Variants in DENND1A observed in about 807,000 individuals in gnomAD.
The protein encoded by DENND1A is DENN domain-containing protein 1A.
A neutral mutation model predicts 113.7 loss-of-function variants in DENND1A; 51 were observed. That is an observed-to-expected ratio of 0.45 (90% CI 0.36 to 0.57). DENND1A has a LOEUF of 0.57. DENND1A is among the 20% of genes least tolerant of loss of function. The pLI is 0.00. For synonymous variants in DENND1A, 565 were observed against 570.8 expected (o/e 0.99, Z 0.14); for missense variants, 1,258 against 1,395.9 (o/e 0.90, Z 1.57).
At chr9:123,815,725 C>T (rs925180382) in intron 2 of DENND1A, among the ~76,000 whole-genome samples, 1 of 151,840 alleles carries the variant, frequency 6.6e-6, no homozygotes, top group Non-Finnish European at 1.5e-5. Flanking sequence ...AAGAAAATTC[C>T]CGAAGATACA....
At chr9:123,708,667 G>C (rs541272841) in intron 5 of DENND1A, among the ~76,000 whole-genome samples, 1 of 152,106 alleles carries the variant, frequency 6.6e-6, no homozygotes, top group Admixed American at 6.5e-5. Flanking sequence ...GTTATGTGGG[G>C]TTTTTTCTTC....
chr9:123,600,382 C>T (rs959028087), intron 11 of DENND1A, among the ~76,000 whole-genome samples: 7 of 152,142 alleles, frequency 4.6e-5, no homozygotes, highest in Admixed American at 3.9e-4. Flanking sequence ...AATGGGGCAA[C>T]TACCTATTTT....
At chr9:123,871,894 A>G (rs913199427) in intron 2 of DENND1A, among the ~76,000 whole-genome samples, 6 of 152,182 alleles carry the variant, frequency 3.9e-5, no homozygotes, top group Admixed American at 3.3e-4. Context: ...GCCCAAGAAG[A>G]GTGCCCGCTG....
At chr9:123,632,602 C>T (rs562066328) in intron 9 of DENND1A, among the ~76,000 whole-genome samples, 3 of 152,196 alleles carry the variant, frequency 2.0e-5, no homozygotes, top group South Asian at 2.1e-4. Flanking sequence ...CAGGTTCCGG[C>T]CCATCACTTC....
chr9:123,818,565 C>CATAT lies in DENND1A; in HGVS notation c.89-25936_89-25935insATAT, dbSNP rs1366921470. Among the ~76,000 whole-genome samples, 68 of 45,476 alleles carry CATAT rather than the reference C, an allele frequency of 1.5e-3. 1 individual carries two copies. Among genetic ancestry groups the CATAT allele is most frequent in the African/African-American group, 2.8e-3 (59 of 20,722 alleles). The allele number at this position is 45,476 out of a possible 152,430, so 29.8% of individuals were successfully genotyped here. A position where few individuals can be genotyped will look rare whatever the true frequency, so the allele number is the denominator to read the frequency against. On this transcript the variant is annotated intron_variant, in intron 2 of 23. Coordinates refer to ENST00000394215, the MANE Select transcript of DENND1A (RefSeq NM_001352964.2). ...ACACACACACACACACACACACACACACATATATATATATATATAAAATGA... is the reference window on the plus strand; with the variant it reads ...ACACACACACACACACACACACACACATATACATATATATATATATATAAAATGA...
At chr9:123,851,791 G>A (rs554358196) in intron 2 of DENND1A, among the ~76,000 whole-genome samples, 1 of 152,240 alleles carries the variant, frequency 6.6e-6, no homozygotes, top group East Asian at 1.9e-4. Flanking sequence ...GGACTGAAAG[G>A]AACAAAGAAA....
chr9:123,538,353 A>G (rs1031276047), intron 13 of DENND1A, among the ~76,000 whole-genome samples: 34 of 152,310 alleles, frequency 2.2e-4, no homozygotes, highest in African/African-American at 7.2e-4. Context: ...AGCTCTGTTC[A>G]ATGAAAAGGC....
intron 13 of DENND1A, among the ~76,000 whole-genome samples, chr9:123,480,628 C>T (rs557658586): frequency 6.6e-6 from 1 of 152,248 alleles, no homozygotes; most frequent in East Asian, 1.9e-4. Context: ...TGGGGTCTTC[C>T]TCTGGGGTCC....
At chr9:123,410,843 T>A (rs2044248890) in intron 20 of DENND1A, among the ~76,000 whole-genome samples, 1 of 152,118 alleles carries the variant, frequency 6.6e-6, no homozygotes, top group Non-Finnish European at 1.5e-5. Context: ...ATGGAGAAAC[T>A]TTTCCCTTGG....
intron 2 of DENND1A, among the ~76,000 whole-genome samples, chr9:123,796,654 G>A (rs1219757976): frequency 2.6e-5 from 4 of 151,988 alleles, no homozygotes; most frequent in Non-Finnish European, 4.4e-5. Flanking sequence ...CCTAGAAAAC[G>A]TGGTAGACAG....
intron 18 of DENND1A, among the ~76,000 whole-genome samples, chr9:123,445,637 G>A (rs1379331698): frequency 5.3e-5 from 8 of 152,210 alleles, no homozygotes; most frequent in African/African-American, 1.4e-4. Flanking sequence ...TTGGGAGGCC[G>A]AGGCGGGCAG....
chr9:123,609,053 T>G (rs1397055416), intron 11 of DENND1A, among the ~76,000 whole-genome samples: 1 of 152,252 alleles, frequency 6.6e-6, no homozygotes, highest in African/African-American at 2.4e-5. Flanking sequence ...ATTTCCTTCT[T>G]CATGATTCTA....
chr9:123,512,740 A>G (rs1042844346), intron 13 of DENND1A, among the ~76,000 whole-genome samples: 25 of 152,246 alleles, frequency 1.6e-4, no homozygotes, highest in Non-Finnish European at 3.2e-4. Flanking sequence ...GACTTGGGAC[A>G]GTGGAAGGAG....
chr9:123,736,241 G>A (rs888820294), intron 5 of DENND1A, among the ~76,000 whole-genome samples: 5 of 152,186 alleles, frequency 3.3e-5, no homozygotes, highest in Non-Finnish European at 7.3e-5. Flanking sequence ...AAGCTCAGAA[G>A]GGCTAATGTT....
At chr9:123,634,728 A>G (rs1373426951) in intron 9 of DENND1A, among the ~76,000 whole-genome samples, 1 of 152,240 alleles carries the variant, frequency 6.6e-6, no homozygotes, top group East Asian at 1.9e-4. Flanking sequence ...GCCCAAAGTC[A>G]TTAGTCACAA....
chr9:123,806,090 A>G (rs542143189), intron 2 of DENND1A, among the ~76,000 whole-genome samples: 1 of 150,406 alleles, frequency 6.6e-6, no homozygotes, highest in South Asian at 2.1e-4. Context: ...AGTAGCTGGG[A>G]TTACAAGCAC....
At chr9:123,880,192 T>C (rs1051731979) in intron 1 of DENND1A, among the ~76,000 whole-genome samples, 1 of 152,094 alleles carries the variant, frequency 6.6e-6, no homozygotes, top group Non-Finnish European at 1.5e-5. Context: ...TTTTGTATTT[T>C]AGTAGAGATG....
intron 8 of DENND1A, among the ~76,000 whole-genome samples, chr9:123,656,505 C>T (rs920821401): frequency 6.6e-6 from 1 of 152,012 alleles, no homozygotes; most frequent in Non-Finnish European, 1.5e-5. Flanking sequence ...AGTAGAATCA[C>T]AGGACTTGAC....
intron 11 of DENND1A, among the ~76,000 whole-genome samples, chr9:123,591,766 C>T (rs72757120): frequency 0.028 from 4,285 of 152,256 alleles, 72 homozygotes; most frequent in Non-Finnish European, 0.044. Context: ...AATGTAAGCC[C>T]GAATGGACAA....
Sources: gnomAD v4.1 joint callset for allele counts (sites outside exome capture counted in the v4.1 genomes callset) on GRCh38, gnomAD v4.1.1 for gene constraint, MANE v1.5 for transcripts, NCBI Gene and HGNC (gene_info 2026-07-23, HGNC 2026-07-21) for gene names.